Variants in SLC35F4 observed in about 807,000 individuals in gnomAD.
SLC35F4 encodes chromosome 14 open reading frame 36.
SLC35F4 carries 24 observed loss-of-function variants against 44.2 expected under a neutral mutation model. The observed-to-expected ratio is 0.54, with a 90% CI of 0.39 to 0.76. The LOEUF (loss-of-function observed/expected upper bound fraction) is 0.76, where lower values mean the gene tolerates loss of function less well. Ranked by LOEUF, SLC35F4 falls within the 30% of genes least tolerant of loss-of-function variation. The probability of loss-of-function intolerance (pLI) is 0.00; values close to 1 mark genes in which losing one functional copy is unlikely to be tolerated. For synonymous variants in SLC35F4, 238 were observed against 223.6 expected (o/e 1.06, Z -0.57); for missense variants, 562 against 586.1 (o/e 0.96, Z 0.42).
At chr14:57,824,216 A>C (rs543562468) in intron 1 of SLC35F4, among the ~76,000 whole-genome samples, 9 of 152,156 alleles carry the variant, frequency 5.9e-5, no homozygotes, top group Non-Finnish European at 1.2e-4. Flanking sequence ...CTAGGTCAGA[A>C]GTCTGAATCA....
chr14:57,664,155 G>A (rs1447826131), intron 1 of SLC35F4, among the ~76,000 whole-genome samples: 1 of 152,116 alleles, frequency 6.6e-6, no homozygotes, highest in Non-Finnish European at 1.5e-5. Context: ...TCTGCTGATG[G>A]CCATGCAGTT....
At chr14:57,643,580 T>A (rs2073349021) in intron 1 of SLC35F4, among the ~76,000 whole-genome samples, 1 of 152,054 alleles carries the variant, frequency 6.6e-6, no homozygotes, top group Admixed American at 6.6e-5. Context: ...TCTGTTCTGC[T>A]CCCACACATT....
At chr14:57,744,221 G>C (rs570553705) in intron 1 of SLC35F4, among the ~76,000 whole-genome samples, 2 of 152,150 alleles carry the variant, frequency 1.3e-5, no homozygotes, top group East Asian at 1.9e-4. Flanking sequence ...GGAAGTTCTG[G>C]CCAGGGTAAT....
At chr14:57,714,662 T>C (rs1370832660) in intron 1 of SLC35F4, among the ~76,000 whole-genome samples, 1 of 152,264 alleles carries the variant, frequency 6.6e-6, no homozygotes, top group Non-Finnish European at 1.5e-5. Context: ...TGCTAGGCCC[T>C]GAGGCTACTG....
At chr14:57,898,407 G>T in intron 1 of SLC35F4, among the ~76,000 whole-genome samples, 1 of 152,150 alleles carries the variant, frequency 6.6e-6, no homozygotes, top group Non-Finnish European at 1.5e-5. Context: ...TAAGAAAGGT[G>T]GTATTGGGGT....
chr14:57,927,950 C>T (rs1889614460), intron 1 of SLC35F4, among the ~76,000 whole-genome samples: 1 of 151,974 alleles, frequency 6.6e-6, no homozygotes, highest in Non-Finnish European at 1.5e-5. Context: ...AGATTTTCTC[C>T]TACTTTTTTT....
chr14:57,657,926 G>A (rs1218474369), intron 1 of SLC35F4, among the ~76,000 whole-genome samples: 1 of 152,136 alleles, frequency 6.6e-6, no homozygotes, highest in African/African-American at 2.4e-5. Context: ...TCACTTTGAG[G>A]AAGTTATTTA....
At chr14:57,743,866 A>AG (rs1326577802) in intron 1 of SLC35F4, among the ~76,000 whole-genome samples, 2 of 152,090 alleles carry the variant, frequency 1.3e-5, no homozygotes, top group Admixed American at 6.6e-5. Context: ...CACATCAAAA[A>AG]CTTATCCACC....
At chr14:57,604,677 G>C (rs1431077505) in intron 1 of SLC35F4, among the ~76,000 whole-genome samples, 1 of 152,096 alleles carries the variant, frequency 6.6e-6, no homozygotes, top group Non-Finnish European at 1.5e-5. Context: ...AACAAAACCA[G>C]AGGCATCACA....
At chr14:57,909,201 G>A (rs1201164189) in intron 1 of SLC35F4, among the ~76,000 whole-genome samples, 4 of 152,030 alleles carry the variant, frequency 2.6e-5, no homozygotes, top group Non-Finnish European at 4.4e-5. Context: ...ATCTGTTTTT[G>A]CACATGGACA....
chr14:57,963,413 A>G lies in SLC35F4; in HGVS notation n.282+18500T>C, dbSNP rs78372463. ...ACGTGTCTTCAGGAGCTTGTTGCTCACATCTTCTCAGCCCAGCAGCCCCTG... is the reference window on the plus strand; with the variant it reads ...ACGTGTCTTCAGGAGCTTGTTGCTCGCATCTTCTCAGCCCAGCAGCCCCTG... On this transcript the variant is annotated intron_variant and non_coding_transcript_variant, in intron 1 of 1. Transcript: ENST00000556568. Among the ~76,000 whole-genome samples the G allele has an allele frequency of 5.9e-3, 904 of 152,330 alleles. 10 individuals are homozygous for G. The highest frequency in any genetic ancestry group is 0.024 in the South Asian group (116 of 4,828).
chr14:57,729,128 G>T (rs1372804631), intron 1 of SLC35F4, among the ~76,000 whole-genome samples: 1 of 152,084 alleles, frequency 6.6e-6, no homozygotes, highest in South Asian at 2.1e-4. Flanking sequence ...AATGTCTTGA[G>T]GTAGTCTTCT....
chr14:57,809,117 T>C (rs945116038), intron 1 of SLC35F4, among the ~76,000 whole-genome samples: 1 of 152,176 alleles, frequency 6.6e-6, no homozygotes, highest in Non-Finnish European at 1.5e-5. Flanking sequence ...AAGTGATCCA[T>C]GTGGTCAGCA....
At chr14:57,593,304 T>C (rs1245866827) in intron 2 of SLC35F4, among the ~76,000 whole-genome samples, 1 of 152,206 alleles carries the variant, frequency 6.6e-6, no homozygotes, top group Non-Finnish European at 1.5e-5. Flanking sequence ...TGGACCCAGC[T>C]GCATTTAAAA....
intron 3 of SLC35F4, among the ~76,000 whole-genome samples, chr14:57,582,543 A>G (rs2069361417): frequency 6.6e-6 from 1 of 152,192 alleles, no homozygotes; most frequent in Non-Finnish European, 1.5e-5. Context: ...CTAGCAATAC[A>G]TACAGGCAAT....
intron 1 of SLC35F4, among the ~76,000 whole-genome samples, chr14:57,773,837 G>A (rs1049575892): frequency 2.6e-5 from 4 of 152,106 alleles, no homozygotes; most frequent in African/African-American, 9.7e-5. Context: ...CTAACTCTAG[G>A]CCCTGAGAAA....
At chr14:57,961,938 C>T (rs756673108) in intron 1 of SLC35F4, among the ~76,000 whole-genome samples, 48 of 152,320 alleles carry the variant, frequency 3.2e-4, no homozygotes, top group South Asian at 1.2e-3. Flanking sequence ...AAATGCCTCC[C>T]TCTCCTCCTG....
At chr14:57,847,594 A>G (rs1886149666) in intron 1 of SLC35F4, among the ~76,000 whole-genome samples, 1 of 152,228 alleles carries the variant, frequency 6.6e-6, no homozygotes, top group Non-Finnish European at 1.5e-5. Context: ...CATGTGAGGT[A>G]TAATTTTCAG....
chr14:57,747,384 A>T (rs1360599816), intron 1 of SLC35F4, among the ~76,000 whole-genome samples: 1 of 152,168 alleles, frequency 6.6e-6, no homozygotes, highest in African/African-American at 2.4e-5. Flanking sequence ...AGATTGGACT[A>T]TGTCTTAAGT....
Sources: gnomAD v4.1 joint callset for allele counts (sites outside exome capture counted in the v4.1 genomes callset) on GRCh38, gnomAD v4.1.1 for gene constraint, MANE v1.5 for transcripts, NCBI Gene and HGNC (gene_info 2026-07-23, HGNC 2026-07-21) for gene names.